WDFY4: variants seen among roughly 807,000 people sequenced by gnomAD.
WDFY4 encodes the protein WD repeat- and FYVE domain-containing protein 4.
Under a neutral mutation model 351.9 loss-of-function variants are expected in WDFY4, and 169 were observed. That is an observed-to-expected ratio of 0.48 (90% CI 0.42 to 0.55). WDFY4 has a LOEUF of 0.55. Among genes scored for constraint, WDFY4 ranks in the 20% least tolerant of loss-of-function variants. The pLI, the probability that WDFY4 is intolerant of heterozygous loss-of-function variation, is 0.00. For synonymous variants in WDFY4, 1,622 were observed against 1,574.6 expected (o/e 1.03, Z -0.71); for missense variants, 3,803 against 3,935.6 (o/e 0.97, Z 0.90).
At chr10:48,761,786 C>T (rs1226432380) in intron 13 of WDFY4, among the ~76,000 whole-genome samples, 2 of 152,212 alleles carry the variant, frequency 1.3e-5, no homozygotes, top group Non-Finnish European at 2.9e-5. Flanking sequence ...TTATCAGCAG[C>T]CAAGGAAAGA....
chr10:48,941,534 TC>T (rs1173664153), intron 47 of WDFY4, among the ~76,000 whole-genome samples: 2 of 152,150 alleles, frequency 1.3e-5, no homozygotes, highest in African/African-American at 2.4e-5. Context: ...AGGCTGCATG[TC>T]CCCTGGAATT....
intron 13 of WDFY4, among the ~76,000 whole-genome samples, chr10:48,772,131 C>T (rs1019973809): frequency 6.6e-6 from 1 of 151,892 alleles, no homozygotes; most frequent in African/African-American, 2.4e-5. Context: ...AGACAGGGGT[C>T]CAGGTATGTG....
At chr10:48,946,374 G>T (rs1243767936) in intron 50 of WDFY4, among the ~76,000 whole-genome samples, 1 of 152,246 alleles carries the variant, frequency 6.6e-6, no homozygotes, top group Non-Finnish European at 1.5e-5. Context: ...TCCGTGGTGT[G>T]GCACAGCCCA....
At chr10:48,943,302 T>G in intron 48 of WDFY4, 28 bp from the exon 49 acceptor site, 1 of 1,550,646 alleles carries the variant, frequency 6.4e-7, no homozygotes, top group Non-Finnish European at 8.7e-7. Context: ...ACGTATTTGG[T>G]TTATCCCCTT....
chr10:48,805,231 T>A, intron 25 of WDFY4, 29 bp from the exon 26 acceptor site: 1 of 1,527,480 alleles, frequency 6.5e-7, no homozygotes, highest in African/African-American at 1.4e-5. Context: ...CAGTAAAAGC[T>A]TTTACTGTCT....
rs373976945 is a variant in WDFY4, at chr10:48,943,598, C to CTTTTT, written c.7749+157_7749+161dup. On this transcript the variant is annotated intron_variant, in intron 49 of 61. Coordinates refer to ENST00000325239, the MANE Select transcript of WDFY4 (RefSeq NM_001394531.1). ...CTAAAGGCTGCTGAAGCTCAGATCTCTTTTTTTTTTTTGAGATGGAGTCTT... is the reference window on the plus strand; with the variant it reads ...CTAAAGGCTGCTGAAGCTCAGATCTCTTTTTTTTTTTTTTTTTGAGATGGAGTCTT... 2.3e-4 allele frequency: 147 copies of CTTTTT among 646,414 alleles called. No individual in the cohort carries two copies. The African/African-American group carries it at 2.4e-3, about 10-fold the overall frequency. 40.0% of individuals were successfully genotyped at this position (646,414 alleles called of 1,614,324 possible). A position where few individuals can be genotyped will look rare whatever the true frequency, so the allele number is the denominator to read the frequency against.
At chr10:48,877,295 A>G (rs2070057369) in intron 43 of WDFY4, 96 bp downstream of exon 43, 2 of 1,118,472 alleles carry the variant, frequency 1.8e-6, no homozygotes, top group African/African-American at 1.6e-5. Flanking sequence ...TTACATGGGG[A>G]ATGAGATCTC....
Position 48,970,268 on chromosome 10 carries a change from G to T in WDFY4, c.8907G>T (p.Pro2969=). The change falls in exon 57 of 62, where the codon CCG becomes CCT. Residue 2969 remains proline (P), a synonymous_variant. Transcript: ENST00000325239. ...AGCTCAGCATGACCAAAGGCCGCCC[G>T]AGGGGCTTGCGCCTCCGGCAGGTAT... is the stretch of plus-strand genomic sequence containing the variant. ...VWELSMTKGR[P]RGLRLRQALY... The T allele has an allele frequency of 6.4e-7, 1 of 1,551,212 alleles. No homozygotes were observed. Among genetic ancestry groups the T allele is most frequent in the Non-Finnish European group, 8.7e-7 (1 of 1,146,992 alleles).
At chr10:48,772,592 T>A (rs1230257233) in intron 13 of WDFY4, among the ~76,000 whole-genome samples, 3 of 144,280 alleles carry the variant, frequency 2.1e-5, no homozygotes, top group Non-Finnish European at 3.0e-5. Context: ...CATGTGCACA[T>A]TGTGCAGGTT....
chr10:48,754,629 T>C (rs975447185), intron 12 of WDFY4, among the ~76,000 whole-genome samples: 18 of 151,884 alleles, frequency 1.2e-4, no homozygotes, highest in African/African-American at 4.3e-4. Context: ...TTTAATTTAC[T>C]TATTTATTGT....
intron 40 of WDFY4, among the ~76,000 whole-genome samples, chr10:48,869,899 TAAA>T (rs2069697800): frequency 1.3e-5 from 2 of 152,174 alleles, no homozygotes; most frequent in African/African-American, 4.8e-5. Context: ...CTCTGTCAGT[TAAA>T]AATATTGGAA....
At chr10:48,939,121 T>G (rs561581623) in intron 47 of WDFY4, among the ~76,000 whole-genome samples, 24 of 152,286 alleles carry the variant, frequency 1.6e-4, no homozygotes, top group African/African-American at 5.8e-4. Context: ...GTGCCCAGGT[T>G]CCCAGGTTGC....
chr10:48,896,274 A>G (rs1837072576), intron 44 of WDFY4, among the ~76,000 whole-genome samples: 1 of 152,194 alleles, frequency 6.6e-6, no homozygotes, highest in South Asian at 2.1e-4. Context: ...GGGAGCACAG[A>G]TGAGTGGCTA....
At chr10:48,954,128 TG>T (rs1204280317) in intron 51 of WDFY4, among the ~76,000 whole-genome samples, 3 of 152,230 alleles carry the variant, frequency 2.0e-5, no homozygotes, top group Non-Finnish European at 4.4e-5. Context: ...GGATTTTAAT[TG>T]AGAAGAGGTA....
At chr10:48,873,797 A>G in intron 41 of WDFY4, 100 bp downstream of exon 41, 1 of 1,313,672 alleles carries the variant, frequency 7.6e-7, no homozygotes, top group Non-Finnish European at 1.0e-6. Flanking sequence ...TATCAGGCTA[A>G]GATAACACAT....
chr10:48,804,776 A>AG, intron 25 of WDFY4: 10 of 983,618 alleles, frequency 1.0e-5, no homozygotes, highest in Non-Finnish European at 1.2e-5. Flanking sequence ...TATCTGAGGG[A>AG]GGGGGTATGG....
rs188079382 is a variant in WDFY4, at chr10:48,841,850, G to T, written c.6663+9141G>T. Among the ~76,000 whole-genome samples the T allele has an allele frequency of 1.4e-4, 21 of 152,330 alleles. No homozygotes were observed. In the East Asian group the frequency reaches 3.5e-3, roughly 25 times the overall value. ...CACCTGCTGGGAACAGGCTACCCAA[G>T]ATAGAAGCCAGCATGTTCAAGTCTC... On this transcript the variant is annotated intron_variant, in intron 39 of 61. Coordinates refer to ENST00000325239, the MANE Select transcript of WDFY4 (RefSeq NM_001394531.1).
At chr10:48,888,791 T>C (rs1166203227) in intron 43 of WDFY4, among the ~76,000 whole-genome samples, 2 of 152,202 alleles carry the variant, frequency 1.3e-5, no homozygotes, top group Admixed American at 6.5e-5. Context: ...CCTTCAAGTT[T>C]CAGGGTCTAT....
intron 2 of WDFY4, 59 bp from the exon 3 acceptor site, chr10:48,719,952 G>T: frequency 6.9e-7 from 1 of 1,459,422 alleles, no homozygotes; most frequent in South Asian, 1.2e-5. Flanking sequence ...ATGGCAGGCA[G>T]TGCTCATGCC....
Sources: allele counts gnomAD v4.1 joint callset (sites outside exome capture counted in the v4.1 genomes callset), GRCh38; gene constraint gnomAD v4.1.1; transcripts MANE v1.5; gene names NCBI Gene and HGNC (gene_info 2026-07-23, HGNC 2026-07-21).